ABLIM2: variants seen among roughly 807,000 people sequenced by gnomAD.
ABLIM2 encodes the protein actin binding LIM protein family member 2, also known as actin-binding LIM protein 2.
A neutral mutation model predicts 97.7 loss-of-function variants in ABLIM2; 53 were observed. The ratio of observed to expected loss-of-function variants is 0.54; its 90% confidence interval spans 0.44 to 0.68. The LOEUF (loss-of-function observed/expected upper bound fraction) is 0.68, where lower values mean the gene tolerates loss of function less well. Ranked by LOEUF, ABLIM2 falls within the 30% of genes least tolerant of loss-of-function variation. The pLI, the probability that ABLIM2 is intolerant of heterozygous loss-of-function variation, is 0.00. For synonymous variants in ABLIM2, 361 were observed against 345.8 expected (o/e 1.04, Z -0.49); for missense variants, 835 against 867.2 (o/e 0.96, Z 0.47).
At position 8,002,646 on chromosome 4, in the gene ABLIM2, G is replaced by A. The variant is rs115563011; in HGVS notation, c.1618+5413C>T. Among the ~76,000 whole-genome samples, 1,678 of 152,116 alleles carry A rather than the reference G, an allele frequency of 0.011. 30 individuals are homozygous for A. Among genetic ancestry groups the A allele is most frequent in the African/African-American group, 0.038 (1,593 of 41,470 alleles). On this transcript the variant is annotated intron_variant, in intron 16 of 20. Coordinates refer to ENST00000447017, the MANE Select transcript of ABLIM2 (RefSeq NM_001130083.2). The surrounding 1 kb of genome is among the most constrained non-coding windows in gnomAD (Gnocchi z 6.1). Reference sequence around the variant, plus strand: ...CCAGCTCCGCCACCCTCACCGTCTCGGTTTCCCAAGGCCGCCCTGCTCCTG... The same window carrying A: ...CCAGCTCCGCCACCCTCACCGTCTCAGTTTCCCAAGGCCGCCCTGCTCCTG...
chr4:8,051,165 C>G (rs990306885), intron 8 of ABLIM2, among the ~76,000 whole-genome samples: 2 of 152,340 alleles, frequency 1.3e-5, no homozygotes, highest in Non-Finnish European at 2.9e-5. Flanking sequence ...GCCAGCCACC[C>G]CCCACCCCGC....
In ABLIM2 at chr4:8,058,630, G is replaced by A. The variant is rs1800917254; in HGVS notation, c.763+2337C>T. Among the ~76,000 whole-genome samples, 1 of 152,174 alleles carries A rather than the reference G, an allele frequency of 6.6e-6. No homozygotes were observed. The highest frequency in any genetic ancestry group is 2.4e-5 in the African/African-American group (1 of 41,450). The stretch of plus-strand genomic sequence containing the variant: ...CATCAAGTCTGGGGGCTGCACTCCA[G>A]CACATGGCCCCTGTCCCACCAGTGC... On this transcript the variant is annotated intron_variant, in intron 7 of 20. Transcript: ENST00000447017. The surrounding 1 kb of genome is among the most constrained non-coding windows in gnomAD (Gnocchi z 4.2).
At chr4:8,117,335 C>T (rs1843206947) in intron 1 of ABLIM2, among the ~76,000 whole-genome samples, 1 of 152,174 alleles carries the variant, frequency 6.6e-6, no homozygotes, top group African/African-American at 2.4e-5. Context: ...AACCGATTTG[C>T]AGCCCACTGC....
At chr4:8,103,383 C>T (rs1835630887) in intron 2 of ABLIM2, among the ~76,000 whole-genome samples, 1 of 152,258 alleles carries the variant, frequency 6.6e-6, no homozygotes. Flanking sequence ...CGTAGTTACT[C>T]CATGCCATTC....
chr4:8,153,524 G>T (rs925338385), intron 1 of ABLIM2, among the ~76,000 whole-genome samples: 2 of 152,202 alleles, frequency 1.3e-5, no homozygotes, highest in Non-Finnish European at 2.9e-5. Context: ...TCTGGGTCAG[G>T]GGGGTCTGGC....
At chr4:8,076,602 C>T (rs897746954) in intron 6 of ABLIM2, among the ~76,000 whole-genome samples, 2 of 152,036 alleles carry the variant, frequency 1.3e-5, no homozygotes, top group Non-Finnish European at 2.9e-5. Flanking sequence ...ACACCAGGCA[C>T]AGCCCCTCTC....
At position 8,124,312 on chromosome 4, in the gene ABLIM2, C is replaced by T. The variant is rs1315430440; in HGVS notation, c.11-17675G>A. On this transcript the variant is annotated intron_variant, in intron 1 of 20. Coordinates refer to ENST00000447017, the MANE Select transcript of ABLIM2 (RefSeq NM_001130083.2). This position sits in a 1 kb window ranked among gnomAD's most constrained non-coding sequence, Gnocchi z 6.1. ...ACAATTTGCCTGTTTGGAATGCACA[C>T]TCAATGGCTTTTGGTATTTCACAGA... Among the ~76,000 whole-genome samples, 1 of 152,246 alleles carries T rather than the reference C, an allele frequency of 6.6e-6. No homozygotes were observed. Among genetic ancestry groups the T allele is most frequent in the East Asian group, 1.9e-4 (1 of 5,200 alleles).
rs1039020713 is a variant in ABLIM2 at position 8,123,968 on chromosome 4, A to C, written c.11-17331T>G. 1.3e-5 allele frequency among the ~76,000 whole-genome samples: 2 copies of C among 152,234 alleles called. No homozygotes were observed. Among genetic ancestry groups the C allele is most frequent in the African/African-American group, 4.8e-5 (2 of 41,468 alleles). Reference sequence around the variant, plus strand: ...GCTACTCATGGCTAGAAACCCAAACAGTACATCAAAGATGAAGGAAAATTT... The same window carrying C: ...GCTACTCATGGCTAGAAACCCAAACCGTACATCAAAGATGAAGGAAAATTT... On this transcript the variant is annotated intron_variant, in intron 1 of 20. Transcript: ENST00000447017. This position sits in a 1 kb window ranked among gnomAD's most constrained non-coding sequence, Gnocchi z 6.2.
In ABLIM2 at chr4:8,083,598, G is replaced by C. The variant is rs1268320106; in HGVS notation, c.455-2796C>G. On this transcript the variant is annotated intron_variant, in intron 4 of 20. Transcript: ENST00000447017. This position sits in a 1 kb window ranked among gnomAD's most constrained non-coding sequence, Gnocchi z 4.6. ...GCAGTACACGTGGAGATGAGAGCAA[G>C]GTGCAAAAGGAGCGTTGCCATGGAA... Among the ~76,000 whole-genome samples, 1 of 152,212 alleles carries C rather than the reference G, an allele frequency of 6.6e-6. No homozygotes were observed. Among genetic ancestry groups the C allele is most frequent in the African/African-American group, 2.4e-5 (1 of 41,460 alleles).
Position 8,087,983 on chromosome 4 carries a change from C to A in ABLIM2, c.454+186G>T, listed in dbSNP as rs1018414520. Among the ~76,000 whole-genome samples the A allele has an allele frequency of 4.7e-5, 6 of 127,574 alleles. No homozygotes were observed. Among genetic ancestry groups the A allele is most frequent in the Non-Finnish European group, 8.3e-5 (5 of 60,326 alleles). 83.7% of individuals were successfully genotyped at this position (127,574 alleles called of 152,430 possible). ...GAGACCAAGCCCCCAACTCAGCACC[C>A]CCCCCACAACCAGCAAGCCCCCACT... On this transcript the variant is annotated intron_variant, in intron 4 of 20. Coordinates refer to ENST00000447017, the MANE Select transcript of ABLIM2 (RefSeq NM_001130083.2). This position sits in a 1 kb window ranked among gnomAD's most constrained non-coding sequence, Gnocchi z 4.6.
At position 7,977,513 on chromosome 4, in the gene ABLIM2, G is replaced by A. The variant is rs146934951; in HGVS notation, c.1824+5751C>T. Among the ~76,000 whole-genome samples, 10 of 152,270 alleles carry A rather than the reference G, an allele frequency of 6.6e-5. No individual in the cohort carries two copies. The East Asian group carries it at 1.7e-3, about 26-fold the overall frequency. Reference sequence around the variant, plus strand: ...TGCCATTTAAAAGGTAGGGTAGGCCGGTGTGGTGGCTCATGCCTGTAATCC... The same window carrying A: ...TGCCATTTAAAAGGTAGGGTAGGCCAGTGTGGTGGCTCATGCCTGTAATCC... On this transcript the variant is annotated intron_variant, in intron 20 of 20. Transcript: ENST00000447017.
chr4:8,146,194 A>T (rs1851775428), intron 1 of ABLIM2, among the ~76,000 whole-genome samples: 1 of 152,210 alleles, frequency 6.6e-6, no homozygotes, highest in Non-Finnish European at 1.5e-5. Flanking sequence ...ATCTTTTATC[A>T]GCAGCTGTCA....
rs531405891 is a variant in ABLIM2 at position 8,154,877 on chromosome 4, G to T, written c.10+3803C>A. On this transcript the variant is annotated intron_variant, in intron 1 of 20. Coordinates refer to ENST00000447017, the MANE Select transcript of ABLIM2 (RefSeq NM_001130083.2). ...CTTACAGCTCCACATGGCTAGGGAG[G>T]CCTCGCAATCATGGCGGAAGACGAA... Among the ~76,000 whole-genome samples the T allele has an allele frequency of 2.0e-5, 3 of 152,342 alleles. No individual in the cohort carries two copies. In the East Asian group the frequency reaches 5.8e-4, roughly 29 times the overall value.
In ABLIM2 at chr4:8,108,659, G is replaced by A. The variant is rs773326603; in HGVS notation, c.11-2022C>T. Among the ~76,000 whole-genome samples, 10 of 152,306 alleles carry A rather than the reference G, an allele frequency of 6.6e-5. No homozygotes were observed. The East Asian group carries it at 7.7e-4, about 12-fold the overall frequency. On this transcript the variant is annotated intron_variant, in intron 1 of 20. Coordinates refer to ENST00000447017, the MANE Select transcript of ABLIM2 (RefSeq NM_001130083.2). ...CAAATACATCCCTAACCAATCACAC[G>A]GGACGCCCCCCTTCTGGGAGCCGCC...
chr4:8,068,083 C>T lies in ABLIM2; in HGVS notation c.676-7029G>A, dbSNP rs1577077036. Among the ~76,000 whole-genome samples the T allele has an allele frequency of 2.6e-5, 4 of 151,508 alleles. No homozygotes were observed. The highest frequency in any genetic ancestry group is 7.3e-5 in the African/African-American group (3 of 40,842). On this transcript the variant is annotated intron_variant, in intron 6 of 20. Transcript: ENST00000447017. This position sits in a 1 kb window ranked among gnomAD's most constrained non-coding sequence, Gnocchi z 4.5. ...TCCCATTCTCTCATAGTGACTGGGG[C>T]GTCCCAGTCATCGGTACAGTGGCCA... is the stretch of plus-strand genomic sequence containing the variant.
chr4:8,154,222 A>G (rs1477041439), intron 1 of ABLIM2, among the ~76,000 whole-genome samples: 7 of 149,988 alleles, frequency 4.7e-5, no homozygotes, highest in African/African-American at 1.7e-4. Flanking sequence ...TCGGCCTCCC[A>G]AAGTGCTGGG....
At chr4:8,093,103 C>A (rs1829723210) in intron 3 of ABLIM2, among the ~76,000 whole-genome samples, 1 of 152,222 alleles carries the variant, frequency 6.6e-6, no homozygotes, top group Non-Finnish European at 1.5e-5. Flanking sequence ...CCCGGCTCAG[C>A]CTCCCAAAGT....
At position 8,097,096 on chromosome 4, in the gene ABLIM2, C is replaced by G. The variant is rs1441772941; in HGVS notation, c.338+3G>C. On this transcript the variant is annotated splice_donor_region_variant and intron_variant, in intron 3 of 20. Coordinates refer to ENST00000447017, the MANE Select transcript of ABLIM2 (RefSeq NM_001130083.2). ...AGCAGAGGCCAGGTGCCCACTTACT[C>G]ACCGGCAGACGGCACACACGAAGCA... 2 of 1,600,594 alleles carry G rather than the reference C, an allele frequency of 1.2e-6. No homozygotes were observed. Among genetic ancestry groups the G allele is most frequent in the Admixed American group, 3.4e-5 (2 of 58,578 alleles).
At chr4:7,968,645 G>A (rs1724988305) in intron 20 of ABLIM2, among the ~76,000 whole-genome samples, 1 of 152,220 alleles carries the variant, frequency 6.6e-6, no homozygotes, top group African/African-American at 2.4e-5. Flanking sequence ...CATAGAGACA[G>A]AGCATGGATT....
Sources: gnomAD v4.1 joint callset for allele counts (sites outside exome capture counted in the v4.1 genomes callset) on GRCh38, gnomAD v4.1.1 for gene constraint, Gnocchi (gnomAD v3.1) non-coding constraint, MANE v1.5 for transcripts, NCBI Gene and HGNC (gene_info 2026-07-23, HGNC 2026-07-21) for gene names.